The following TRMT9B variants were observed in gnomAD, a reference collection of about 807,000 sequenced individuals.
TRMT9B encodes the protein probable tRNA methyltransferase 9B.
Under a neutral mutation model 11.5 loss-of-function variants are expected in TRMT9B, and 16 were observed. The ratio of observed to expected loss-of-function variants is 1.39; its 90% CI spans 0.94 to 2.11. The LOEUF is 2.11. Ranked by LOEUF, TRMT9B falls within the 30% of genes most tolerant of loss-of-function variation. The probability of loss-of-function intolerance (pLI) is 0.00; values close to 1 mark genes in which losing one functional copy is unlikely to be tolerated. For missense variants in TRMT9B, 941 were observed against 553.8 expected (o/e 1.70, Z -7.02); for synonymous variants, 274 against 192.4 (o/e 1.42, Z -3.51).
chr8:12,984,724 G>A (rs1199890213), intron 1 of TRMT9B, among the ~76,000 whole-genome samples: 4 of 151,976 alleles, frequency 2.6e-5, no homozygotes, highest in East Asian at 1.9e-4. Flanking sequence ...AGGGGAAGCC[G>A]GGCGCTATAT....
At chr8:12,983,239 G>C (rs1379946792) in intron 1 of TRMT9B, among the ~76,000 whole-genome samples, 10 of 152,156 alleles carry the variant, frequency 6.6e-5, no homozygotes, top group Non-Finnish European at 2.9e-5. Flanking sequence ...AAGGTGCAAT[G>C]GGCTTATTTA....
intron 1 of TRMT9B, among the ~76,000 whole-genome samples, chr8:12,989,298 A>G (rs1806906726): frequency 6.6e-6 from 1 of 152,220 alleles, no homozygotes; most frequent in Non-Finnish European, 1.5e-5. Flanking sequence ...ATTGGAATTC[A>G]ACTCCTTTTA....
At chr8:12,983,624 G>C (rs1217394910) in intron 1 of TRMT9B, among the ~76,000 whole-genome samples, 2 of 152,042 alleles carry the variant, frequency 1.3e-5, no homozygotes, top group Non-Finnish European at 2.9e-5. Flanking sequence ...GAGCCAAGAT[G>C]GTGTCACTGC....
At position 13,027,166 on chromosome 8, in the gene TRMT9B, G is replaced by C. The variant is rs1419937732; in HGVS notation, c.*5122G>C. 3.6e-5 allele frequency: 6 copies of C among 167,010 alleles called. No homozygotes were observed. Among genetic ancestry groups the C allele is most frequent in the African/African-American group, 9.7e-5 (4 of 41,418 alleles). 10.3% of individuals were successfully genotyped at this position (167,010 alleles called of 1,614,324 possible). On this transcript the variant is annotated 3_prime_UTR_variant, in exon 5 of 5. Transcript: ENST00000524591. ...AGCCCTGCTGTGTGCTGGATACACA[G>C]TCTGCTGTGTGCTGGATACATATGA...
chr8:12,946,570 G>A (rs1402978172), intron 1 of TRMT9B, among the ~76,000 whole-genome samples: 1 of 152,174 alleles, frequency 6.6e-6, no homozygotes, highest in Admixed American at 6.5e-5. Context: ...TCACCCTGGT[G>A]GAGATGTCAA....
At chr8:12,981,646 CT>C (rs1563354500) in intron 1 of TRMT9B, among the ~76,000 whole-genome samples, 1 of 151,918 alleles carries the variant, frequency 6.6e-6, no homozygotes, top group African/African-American at 2.4e-5. Context: ...ATTGCCCAGG[CT>C]GGAGTGCAGT....
chr8:13,005,392 A>G (rs1282023741), intron 2 of TRMT9B, among the ~76,000 whole-genome samples: 1 of 152,194 alleles, frequency 6.6e-6, no homozygotes, highest in Non-Finnish European at 1.5e-5. Context: ...CTATAGTAAA[A>G]AAAAATTTAT....
intron 2 of TRMT9B, among the ~76,000 whole-genome samples, chr8:13,003,689 C>G (rs538835603): frequency 6.6e-6 from 1 of 151,486 alleles, no homozygotes; most frequent in Non-Finnish European, 1.5e-5. Context: ...TATAAAATGC[C>G]TCTGAAGAAG....
At chr8:13,015,010 G>A (rs1319053822) in intron 4 of TRMT9B, among the ~76,000 whole-genome samples, 1 of 151,718 alleles carries the variant, frequency 6.6e-6, no homozygotes, top group Non-Finnish European at 1.5e-5. Context: ...AGTGAGCCAA[G>A]ATCATGCCAC....
chr8:13,010,390 A>G lies in TRMT9B; in HGVS notation c.155-2294A>G, dbSNP rs17123352. On this transcript the variant is annotated intron_variant, in intron 3 of 4. Coordinates refer to ENST00000524591, the MANE Select transcript of TRMT9B (RefSeq NM_020844.3). ...CAAAGGGATGAGGAGAAGAAAAGAC[A>G]GATGGTAATATGACTGTCCTCTAAA... The G allele has an allele frequency of 8.8e-3, 8,651 of 981,942 alleles. 562 individuals carry two copies. In the African/African-American group the frequency reaches 0.13, roughly 15 times the overall value. 60.8% of individuals were successfully genotyped at this position (981,942 alleles called of 1,614,324 possible).
chr8:13,011,636 A>G (rs17123407), intron 3 of TRMT9B: 1 of 973,086 alleles, frequency 1.0e-6, no homozygotes, highest in Non-Finnish European at 1.2e-6. Context: ...GTTACTACCT[A>G]CCTCAATCAT....
chr8:12,994,918 G>A (rs183386098), intron 2 of TRMT9B, among the ~76,000 whole-genome samples: 2 of 152,188 alleles, frequency 1.3e-5, no homozygotes, highest in Non-Finnish European at 2.9e-5. Context: ...TCGACCTCAG[G>A]TGATCCACTC....
At chr8:12,998,226 A>G (rs1457211955) in intron 2 of TRMT9B, among the ~76,000 whole-genome samples, 1 of 152,194 alleles carries the variant, frequency 6.6e-6, no homozygotes, top group Non-Finnish European at 1.5e-5. Flanking sequence ...TCATTTTAAT[A>G]TAGTCTACTT....
intron 1 of TRMT9B, among the ~76,000 whole-genome samples, chr8:12,950,871 C>G (rs962702737): frequency 1.3e-5 from 2 of 152,076 alleles, no homozygotes; most frequent in South Asian, 2.1e-4. Context: ...AACAACAGCT[C>G]GACATGAACT....
At chr8:13,013,188 C>G (rs938680831) in intron 4 of TRMT9B, among the ~76,000 whole-genome samples, 10 of 151,968 alleles carry the variant, frequency 6.6e-5, no homozygotes, top group African/African-American at 2.4e-4. Context: ...CCAGATTAAT[C>G]CAAAGCAAAG....
chr8:12,999,983 C>G (rs1286436580), intron 2 of TRMT9B, among the ~76,000 whole-genome samples: 1 of 152,090 alleles, frequency 6.6e-6, no homozygotes, highest in Non-Finnish European at 1.5e-5. Flanking sequence ...CTAATAAAAA[C>G]TGATGTATAC....
At chr8:12,980,734 G>A (rs1460210503) in intron 1 of TRMT9B, among the ~76,000 whole-genome samples, 1 of 152,130 alleles carries the variant, frequency 6.6e-6, no homozygotes, top group Non-Finnish European at 1.5e-5. Flanking sequence ...CTGAACCTTC[G>A]AAGATACTTG....
intron 1 of TRMT9B, among the ~76,000 whole-genome samples, chr8:12,975,232 G>A (rs998730517): frequency 3.3e-5 from 5 of 151,934 alleles, no homozygotes; most frequent in African/African-American, 1.2e-4. Flanking sequence ...TATGAGAAGA[G>A]ATACAAATAG....
chr8:12,974,238 C>A (rs920360486), intron 1 of TRMT9B, among the ~76,000 whole-genome samples: 1 of 152,024 alleles, frequency 6.6e-6, no homozygotes, highest in African/African-American at 2.4e-5. Flanking sequence ...TCACCACCAC[C>A]GTGACCCTGT....
Sources: gnomAD v4.1 joint callset for allele counts (sites outside exome capture counted in the v4.1 genomes callset) on GRCh38, gnomAD v4.1.1 for gene constraint, MANE v1.5 for transcripts, NCBI Gene and HGNC (gene_info 2026-07-23, HGNC 2026-07-21) for gene names.